The following PRKCI variants were observed in gnomAD, a reference collection of about 807,000 sequenced individuals.
PRKCI encodes the protein protein kinase C iota type.
A neutral mutation model predicts 84.0 loss-of-function variants in PRKCI; 43 were observed. The observed-to-expected ratio is 0.51, with a 90% confidence interval of 0.40 to 0.66. PRKCI has a LOEUF of 0.66. PRKCI is among the 30% of genes least tolerant of loss of function. PRKCI has a pLI of 0.00. For synonymous variants in PRKCI, 216 were observed against 234.4 expected (o/e 0.92, Z 0.72); for missense variants, 459 against 745.6 (o/e 0.62, Z 4.48).
intron 1 of PRKCI, 147 bp downstream of exon 1, chr3:170,222,917 A>G: frequency 1.7e-6 from 1 of 589,640 alleles, no homozygotes; most frequent in Non-Finnish European, 2.8e-6. Flanking sequence ...TGAGTGACGA[A>G]GTGATAGGGG....
Position 170,229,289 on chromosome 3 carries a change from T to G in PRKCI, c.102-5941T>G, listed in dbSNP as rs1221793087. Reference sequence around the variant, plus strand: ...ATTCCAGGGTAGACAGACCTCTTTATAGTTGGTAATACAGTGTTCTACAGT... The same window carrying G: ...ATTCCAGGGTAGACAGACCTCTTTAGAGTTGGTAATACAGTGTTCTACAGT... On this transcript the variant is annotated intron_variant, in intron 1 of 17. Coordinates refer to ENST00000295797, the MANE Select transcript of PRKCI (RefSeq NM_002740.6). Among the ~76,000 whole-genome samples, 5 of 152,162 alleles carry G rather than the reference T, an allele frequency of 3.3e-5. No individual in the cohort carries two copies. In the East Asian group the frequency reaches 9.7e-4, roughly 29 times the overall value.
At chr3:170,288,707 A>C in intron 12 of PRKCI, among the ~76,000 whole-genome samples, 1 of 152,192 alleles carries the variant, frequency 6.6e-6, no homozygotes, top group East Asian at 1.9e-4. Context: ...AGCTAAGATC[A>C]CACCACTGCA....
chr3:170,300,100 G>C (rs1010178631), intron 17 of PRKCI, among the ~76,000 whole-genome samples: 1 of 152,050 alleles, frequency 6.6e-6, no homozygotes, highest in African/African-American at 2.4e-5. Context: ...TTATTGTTTG[G>C]CAGTCATTTC....
intron 2 of PRKCI, among the ~76,000 whole-genome samples, chr3:170,250,154 TC>T (rs944548847): frequency 2.6e-5 from 4 of 151,636 alleles, no homozygotes; most frequent in African/African-American, 9.7e-5. Flanking sequence ...ACACCTGTAA[TC>T]CCAGCTACTA....
chr3:170,299,796 C>T (rs547308081), intron 17 of PRKCI, among the ~76,000 whole-genome samples: 12 of 152,318 alleles, frequency 7.9e-5, no homozygotes, highest in Admixed American at 1.3e-4. Flanking sequence ...CTTTCTACCA[C>T]GCTGCACTGT....
chr3:170,295,884 A>G, intron 14 of PRKCI, 27 bp from the exon 15 acceptor site: 1 of 1,362,926 alleles, frequency 7.3e-7, no homozygotes. Flanking sequence ...AAAGTTAAAT[A>G]TAATACTATA....
At chr3:170,302,126 T>G (rs1222628143) in intron 17 of PRKCI, among the ~76,000 whole-genome samples, 1 of 152,222 alleles carries the variant, frequency 6.6e-6, no homozygotes, top group Non-Finnish European at 1.5e-5. Context: ...GTGAAACTCC[T>G]TAGTGTAAAC....
At chr3:170,291,692 G>C (rs923574253) in intron 12 of PRKCI, 162 bp from the exon 13 acceptor site, 1 of 579,186 alleles carries the variant, frequency 1.7e-6, no homozygotes, top group Admixed American at 3.0e-5. Context: ...GCAAGACCCT[G>C]TCAAAAATAA....
rs1234702783 is a variant in PRKCI at position 170,281,205 on chromosome 3, C to G, written c.922C>G (p.Gln308Glu). 6.2e-7 allele frequency: 1 copy of G among 1,613,434 alleles called. No individual in the cohort carries two copies. The highest frequency in any genetic ancestry group is 1.7e-5 in the Admixed American group (1 of 59,974). The change falls in exon 10 of 18, where the codon CAG becomes GAG. Residue 308 changes from glutamine (Q) to glutamate (E), a missense_variant. Transcript: ENST00000295797. ...WVQTEKHVFE[Q>E]ASNHPFLVGL... ...ACAGACAGAGAAGCATGTGTTTGAG[C>G]AGGCATCCAATCATCCTTTCCTTGT...
At chr3:170,263,272 G>C (rs901570257) in intron 3 of PRKCI, 107 bp from the exon 4 acceptor site, 5 of 831,290 alleles carry the variant, frequency 6.0e-6, no homozygotes, top group Non-Finnish European at 9.8e-6. Flanking sequence ...TGAAGAGAGG[G>C]TCAGGTTGAA....
chr3:170,304,217 A>G lies in PRKCI; in HGVS notation c.*1090A>G, dbSNP rs910562617. 2.0e-5 allele frequency: 3 copies of G among 152,188 alleles called. No individual in the cohort carries two copies. Among genetic ancestry groups the G allele is most frequent in the African/African-American group, 7.2e-5 (3 of 41,434 alleles). 9.4% of individuals were successfully genotyped at this position (152,188 alleles called of 1,614,324 possible). On this transcript the variant is annotated 3_prime_UTR_variant, in exon 18 of 18. Transcript: ENST00000295797. ...AGTTGAATGGAAAATTACTCAGTGT[A>G]TAGAAAGGAAAAAAACCAGAAATTT...
At chr3:170,299,776 G>A (rs1033429118) in intron 17 of PRKCI, among the ~76,000 whole-genome samples, 3 of 152,208 alleles carry the variant, frequency 2.0e-5, no homozygotes, top group African/African-American at 4.8e-5. Flanking sequence ...GACTGACTAA[G>A]GCCTGTGCTC....
In PRKCI at chr3:170,281,905, T is replaced by C; in HGVS notation, c.1004T>C (p.Val335Ala). 6.2e-7 allele frequency: 1 copy of C among 1,610,888 alleles called. No homozygotes were observed. The highest frequency in any genetic ancestry group is 8.5e-7 in the Non-Finnish European group (1 of 1,178,572). ...AGATTGTTCTTTGTTATAGAGTATG[T>C]AAATGGAGGAGACCTAATGTTTCAT... Reference protein sequence around the residue: ...ESRLFFVIEYVNGGDLMFHMQ... With the variant: ...ESRLFFVIEYANGGDLMFHMQ... The change falls in exon 11 of 18, where the codon GTA becomes GCA. Residue 335 changes from valine to alanine, a missense_variant. Val to Ala is a moderately conservative substitution (Grantham distance 64). Around this residue, in one of 2 missense-constraint regions of PRKCI, gnomAD observed 209 missense variants for 425.9 expected, o/e 0.49. Transcript: ENST00000295797.
At chr3:170,273,527 A>G (rs1734045846) in intron 7 of PRKCI, among the ~76,000 whole-genome samples, 187 bp downstream of exon 7, 2 of 152,154 alleles carry the variant, frequency 1.3e-5, no homozygotes, top group African/African-American at 4.8e-5. Flanking sequence ...TTAAAAGACA[A>G]CTGTGGGCTG....
At chr3:170,265,188 CAA>C (rs71634708) in intron 4 of PRKCI, among the ~76,000 whole-genome samples, 26 of 116,298 alleles carry the variant, frequency 2.2e-4, no homozygotes, top group Admixed American at 3.6e-4. Context: ...GACTCTGTCT[CAA>C]AAAAAAAAAA....
Position 170,295,700 on chromosome 3 carries a change from G to A in PRKCI, c.1418-211G>A, listed in dbSNP as rs572618532. 1.0e-4 allele frequency among the ~76,000 whole-genome samples: 15 copies of A among 150,044 alleles called. 1 individual carries two copies. In the East Asian group the frequency reaches 2.9e-3, roughly 29 times the overall value. On this transcript the variant is annotated intron_variant, in intron 14 of 17. Coordinates refer to ENST00000295797, the MANE Select transcript of PRKCI (RefSeq NM_002740.6). ...CAAAAAAAAAAAAAAAAAAAATTTA[G>A]CCGAGCGTGATGGTGGCGCCTGTGG...
chr3:170,285,916 ATTTT>A (rs553916153), intron 12 of PRKCI, among the ~76,000 whole-genome samples: 1 of 131,464 alleles, frequency 7.6e-6, no homozygotes. Flanking sequence ...GCTAATTTTA[ATTTT>A]TTTTTTTTTT....
intron 2 of PRKCI, among the ~76,000 whole-genome samples, chr3:170,245,949 G>GTTTTTTTTTTTTTTTTGTTTTTTT (rs1733266743): frequency 1.2e-5 from 1 of 82,462 alleles, no homozygotes; most frequent in African/African-American, 4.9e-5. Flanking sequence ...TTATGTCTTT[G>GTTTTTTTTTTTTTTTTGTTTTTTT]TTTTTTTTTT....
At chr3:170,283,010 TAGG>T (rs1277452514) in intron 11 of PRKCI, among the ~76,000 whole-genome samples, 2 of 149,088 alleles carry the variant, frequency 1.3e-5, no homozygotes, top group East Asian at 4.0e-4. Flanking sequence ...GAGGCTGAAT[TAGG>T]AGAATCGCTT....
Sources: gnomAD v4.1 joint callset for allele counts (sites outside exome capture counted in the v4.1 genomes callset) on GRCh38, gnomAD v4.1.1 for gene constraint, gnomAD v4.1.1 regional missense constraint, MANE v1.5 for transcripts, NCBI Gene and HGNC (gene_info 2026-07-23, HGNC 2026-07-21) for gene names.